CYP46A1: variants seen among roughly 807,000 people sequenced by gnomAD.
CYP46A1 encodes cytochrome P450 family 46 subfamily A member 1.
CYP46A1 carries 20 observed loss-of-function variants against 63.3 expected under a neutral mutation model. The ratio of observed to expected loss-of-function variants is 0.32; its 90% CI spans 0.22 to 0.46. The LOEUF (loss-of-function observed/expected upper bound fraction) is 0.46. Ranked by LOEUF, CYP46A1 falls within the 20% of genes least tolerant of loss-of-function variation. CYP46A1 has a pLI of 1.00. For synonymous variants in CYP46A1, 268 were observed against 273.6 expected (o/e 0.98, Z 0.20); for missense variants, 445 against 670.8 (o/e 0.66, Z 3.72).
At chr14:99,719,753 TTTC>T in intron 10 of CYP46A1, among the ~76,000 whole-genome samples, 1 of 129,616 alleles carries the variant, frequency 7.7e-6, no homozygotes, top group African/African-American at 2.6e-5. Flanking sequence ...CTTCCTTTTT[TTTC>T]TTTTCTTTTT....
intron 14 of CYP46A1, 138 bp from the exon 15 acceptor site, chr14:99,726,419 G>T: frequency 8.6e-7 from 1 of 1,166,534 alleles, no homozygotes; most frequent in South Asian, 1.7e-5. Context: ...TTGCACGGAG[G>T]AGAGCGCAAA....
chr14:99,699,980 C>T (rs368734286), intron 4 of CYP46A1, 35 bp from the exon 5 acceptor site: 5 of 585,416 alleles, frequency 8.5e-6, no homozygotes, highest in Admixed American at 6.1e-5. Flanking sequence ...CCACCCCCCA[C>T]CCTCTTTCCC....
chr14:99,702,899 G>C (rs941992715), intron 5 of CYP46A1, among the ~76,000 whole-genome samples: 3 of 152,228 alleles, frequency 2.0e-5, no homozygotes, highest in African/African-American at 7.2e-5. Context: ...AGTTGTAGCT[G>C]TTTTCTTTGT....
chr14:99,696,642 G>A (rs1225646658), intron 3 of CYP46A1, among the ~76,000 whole-genome samples: 1 of 152,040 alleles, frequency 6.6e-6, no homozygotes, highest in Non-Finnish European at 1.5e-5. Context: ...GGGATCCTTT[G>A]AATTTCTTAG....
chr14:99,718,274 C>T (rs1350396277), intron 10 of CYP46A1, 148 bp downstream of exon 10: 18 of 623,000 alleles, frequency 2.9e-5, no homozygotes, highest in African/African-American at 7.4e-5. Context: ...CTCTTGGAAG[C>T]GCTCTCCCTG....
At chr14:99,720,142 G>A (rs1230110102) in intron 10 of CYP46A1, among the ~76,000 whole-genome samples, 1 of 152,110 alleles carries the variant, frequency 6.6e-6, no homozygotes, top group Non-Finnish European at 1.5e-5. Context: ...ATCTGTCCAT[G>A]GGTACCTGGG....
chr14:99,726,864 C>T lies in CYP46A1; in HGVS notation c.*137C>T, dbSNP rs563133856. On this transcript the variant is annotated 3_prime_UTR_variant, in exon 15 of 15. Coordinates refer to ENST00000261835, the MANE Select transcript of CYP46A1 (RefSeq NM_006668.2). ...CGCTGGCTTCCAGCGGGCCCTCTGC[C>T]GACCGCCTGCTTCACACCCCTCAGC... is the stretch of plus-strand genomic sequence containing the variant. 1.3e-4 allele frequency: 87 copies of T among 673,962 alleles called. No homozygotes were observed. Among genetic ancestry groups the T allele is most frequent in the African/African-American group, 2.2e-4 (12 of 53,444 alleles). The allele number at this position is 673,962 out of a possible 1,614,324, so 41.7% of individuals were successfully genotyped here. A position where few individuals can be genotyped will look rare whatever the true frequency, so the allele number is the denominator to read the frequency against.
intron 3 of CYP46A1, among the ~76,000 whole-genome samples, chr14:99,696,452 T>C (rs1287153324): frequency 6.6e-6 from 1 of 152,158 alleles, no homozygotes; most frequent in Admixed American, 6.5e-5. Context: ...TCTTTCTTAG[T>C]TGTTTTCTTA....
chr14:99,717,956 A>G lies in CYP46A1; in HGVS notation c.908-98A>G, dbSNP rs552589403. 4.0e-5 allele frequency: 38 copies of G among 945,442 alleles called. 1 individual carries two copies. The South Asian group carries it at 5.3e-4, about 13-fold the overall frequency. The allele number at this position is 945,442 out of a possible 1,614,324, so 58.6% of individuals were successfully genotyped here. Reference sequence around the variant, plus strand: ...AGCCAGATGCCTGGGGGCACATGCCATTTACATGCCAGCACTGGCTGGCAT... The same window carrying G: ...AGCCAGATGCCTGGGGGCACATGCCGTTTACATGCCAGCACTGGCTGGCAT... On this transcript the variant is annotated intron_variant, in intron 9 of 14. Coordinates refer to ENST00000261835, the MANE Select transcript of CYP46A1 (RefSeq NM_006668.2).
chr14:99,718,001 C>A, intron 9 of CYP46A1, 53 bp from the exon 10 acceptor site: 1 of 1,431,678 alleles, frequency 7.0e-7, no homozygotes, highest in South Asian at 1.2e-5. Context: ...CACAAACTGT[C>A]TCCTTCATCC....
intron 3 of CYP46A1, among the ~76,000 whole-genome samples, chr14:99,692,680 A>C (rs529254456): frequency 1.3e-3 from 202 of 151,808 alleles, no homozygotes; most frequent in African/African-American, 4.7e-3. Context: ...AAATACAAAA[A>C]TTAGCTGGGT....
intron 10 of CYP46A1, among the ~76,000 whole-genome samples, chr14:99,719,437 G>C (rs2140138327): frequency 6.6e-6 from 1 of 150,874 alleles, no homozygotes; most frequent in Admixed American, 6.6e-5. Context: ...GGCCAGGCTG[G>C]TCTCAAACTC....
intron 7 of CYP46A1, 76 bp downstream of exon 7, chr14:99,707,754 G>A: frequency 1.8e-6 from 2 of 1,105,092 alleles, no homozygotes; most frequent in African/African-American, 1.8e-5. Flanking sequence ...CTCCTTCAGT[G>A]ATTTTTTTTT....
At chr14:99,698,896 T>A (rs1403291665) in intron 3 of CYP46A1, among the ~76,000 whole-genome samples, 1 of 152,222 alleles carries the variant, frequency 6.6e-6, no homozygotes, top group Non-Finnish European at 1.5e-5. Context: ...CTGCACTGCC[T>A]GTTGTCCAGT....
At chr14:99,698,946 G>C (rs372977876) in intron 3 of CYP46A1, among the ~76,000 whole-genome samples, 1 of 152,106 alleles carries the variant, frequency 6.6e-6, no homozygotes, top group Non-Finnish European at 1.5e-5. Context: ...CAGGTTTTCC[G>C]GTTGTTTATG....
chr14:99,694,514 T>TTTTTTG (rs1375503750), intron 3 of CYP46A1, among the ~76,000 whole-genome samples: 1 of 151,796 alleles, frequency 6.6e-6, no homozygotes, highest in Non-Finnish European at 1.5e-5. Context: ...TTTTTTTTCT[T>TTTTTTG]TTTGAGATGA....
chr14:99,709,573 C>A (rs761694459), intron 7 of CYP46A1: 1 of 152,110 alleles, frequency 6.6e-6, no homozygotes, highest in Non-Finnish European at 1.5e-5. Context: ...ATTCCAGTTC[C>A]GGGAATTTCA....
At chr14:99,717,390 T>C (rs903100034) in intron 9 of CYP46A1, among the ~76,000 whole-genome samples, 1 of 152,070 alleles carries the variant, frequency 6.6e-6, no homozygotes, top group African/African-American at 2.4e-5. Context: ...AGTGGCCTCC[T>C]ATAGTCACAG....
chr14:99,703,832 G>C, intron 5 of CYP46A1: 1 of 985,356 alleles, frequency 1.0e-6, no homozygotes, highest in Non-Finnish European at 1.2e-6. Flanking sequence ...GAATGCGTAA[G>C]TGAATCAATG....
Sources: gnomAD v4.1 joint callset for allele counts (sites outside exome capture counted in the v4.1 genomes callset) on GRCh38, gnomAD v4.1.1 for gene constraint, MANE v1.5 for transcripts, NCBI Gene and HGNC (gene_info 2026-07-23, HGNC 2026-07-21) for gene names.